NR3C2: variants seen among roughly 807,000 people sequenced by gnomAD.
NR3C2 encodes mineralocorticoid receptor.
In NR3C2, 15 loss-of-function variants were observed where a neutral mutation model predicts 86.4. That is an observed-to-expected ratio of 0.17 (90% CI 0.12 to 0.27). The LOEUF (loss-of-function observed/expected upper bound fraction) is 0.27. Among genes scored for constraint, NR3C2 ranks in the 10% least tolerant of loss-of-function variants. The probability of loss-of-function intolerance (pLI) is 1.00; values close to 1 mark genes in which losing one functional copy is unlikely to be tolerated. For missense variants in NR3C2, 960 were observed against 1,195.6 expected (o/e 0.80, Z 2.91); for synonymous variants, 458 against 450.5 (o/e 1.02, Z -0.21).
At chr4:148,366,770 C>T (rs913950707) in intron 2 of NR3C2, among the ~76,000 whole-genome samples, 1 of 151,854 alleles carries the variant, frequency 6.6e-6, no homozygotes, top group East Asian at 1.9e-4. Context: ...GCTAAAATTA[C>T]CCCCCCAAAA....
chr4:148,213,585 A>G (rs61758904), intron 3 of NR3C2, among the ~76,000 whole-genome samples: 7 of 152,228 alleles, frequency 4.6e-5, no homozygotes, highest in Non-Finnish European at 8.8e-5. Context: ...GGTCTTTCAC[A>G]TGTACTCAAC....
chr4:148,358,327 T>G (rs923705767), intron 2 of NR3C2, among the ~76,000 whole-genome samples: 3 of 151,994 alleles, frequency 2.0e-5, no homozygotes, highest in African/African-American at 7.3e-5. Context: ...TGTAGGGACA[T>G]GGATGAAATT....
intron 2 of NR3C2, among the ~76,000 whole-genome samples, chr4:148,422,477 T>C (rs1579280523): frequency 6.6e-6 from 1 of 152,170 alleles, no homozygotes; most frequent in East Asian, 1.9e-4. Flanking sequence ...ATTCCATTTC[T>C]ATACCCTGAA....
intron 2 of NR3C2, among the ~76,000 whole-genome samples, chr4:148,400,945 T>C (rs1427570633): frequency 1.3e-5 from 2 of 152,198 alleles, no homozygotes; most frequent in African/African-American, 4.8e-5. Flanking sequence ...TAGAATTATA[T>C]TGTATACATT....
At chr4:148,106,941 T>C (rs370780550) in intron 8 of NR3C2, among the ~76,000 whole-genome samples, 3 of 152,274 alleles carry the variant, frequency 2.0e-5, no homozygotes, top group African/African-American at 4.8e-5. Flanking sequence ...TTGCAGGACA[T>C]AGGCATGGGC....
intron 2 of NR3C2, among the ~76,000 whole-genome samples, chr4:148,353,550 C>A (rs919799856): frequency 6.6e-6 from 1 of 152,018 alleles, no homozygotes; most frequent in Non-Finnish European, 1.5e-5. Flanking sequence ...CAAAAGCATA[C>A]AATTTTTCCT....
Position 148,322,247 on chromosome 4 carries a change from C to A in NR3C2, c.1758-62130G>T, listed in dbSNP as rs1205965959. ...CTTGTAGGGTTTCTGCTGAGAGATC[C>A]GCTGTTAGTCTGATGGGCTTCCCTT... On this transcript the variant is annotated intron_variant, in intron 2 of 8. Coordinates refer to ENST00000358102, the MANE Select transcript of NR3C2 (RefSeq NM_000901.5). Among the ~76,000 whole-genome samples, 9 of 149,420 alleles carry A rather than the reference C, an allele frequency of 6.0e-5. No homozygotes were observed. In the East Asian group the frequency reaches 7.9e-4, roughly 13 times the overall value.
chr4:148,403,209 T>C (rs980231719), intron 2 of NR3C2, among the ~76,000 whole-genome samples: 1 of 152,100 alleles, frequency 6.6e-6, no homozygotes, highest in African/African-American at 2.4e-5. Flanking sequence ...CATATTACTA[T>C]AAAGCTTCAA....
intron 2 of NR3C2, among the ~76,000 whole-genome samples, chr4:148,304,743 G>A (rs761777990): frequency 6.6e-6 from 1 of 152,124 alleles, no homozygotes; most frequent in Non-Finnish European, 1.5e-5. Flanking sequence ...GGGTGTGCCT[G>A]CAGCTGACTG....
intron 2 of NR3C2, among the ~76,000 whole-genome samples, chr4:148,355,846 G>A (rs1209207382): frequency 1.3e-5 from 2 of 152,110 alleles, no homozygotes; most frequent in African/African-American, 2.4e-5. Flanking sequence ...GCAAAGTTTC[G>A]GTTTTGTAGA....
chr4:148,379,344 T>A (rs938028241), intron 2 of NR3C2, among the ~76,000 whole-genome samples: 1 of 151,900 alleles, frequency 6.6e-6, no homozygotes, highest in Non-Finnish European at 1.5e-5. Context: ...CTCCCCTACC[T>A]CCCCACTAGG....
At chr4:148,136,715 C>T (rs1404772753) in intron 6 of NR3C2, among the ~76,000 whole-genome samples, 2 of 152,052 alleles carry the variant, frequency 1.3e-5, no homozygotes, top group African/African-American at 4.8e-5. Flanking sequence ...GGCGCAATCT[C>T]AGCTCACTGC....
intron 2 of NR3C2, among the ~76,000 whole-genome samples, chr4:148,352,851 TAAAG>T (rs1336546731): frequency 1.3e-5 from 2 of 152,100 alleles, no homozygotes; most frequent in Non-Finnish European, 2.9e-5. Flanking sequence ...CCCCTAAAAA[TAAAG>T]ATTCTTATGT....
chr4:148,388,993 C>T (rs1463802970), intron 2 of NR3C2, among the ~76,000 whole-genome samples: 1 of 152,212 alleles, frequency 6.6e-6, no homozygotes, highest in African/African-American at 2.4e-5. Flanking sequence ...GCCTGGCTAC[C>T]AGATTATACC....
At chr4:148,349,008 T>C (rs1046730331) in intron 2 of NR3C2, among the ~76,000 whole-genome samples, 2 of 152,124 alleles carry the variant, frequency 1.3e-5, no homozygotes, top group Admixed American at 6.6e-5. Flanking sequence ...ACAAGGAAAA[T>C]AGCTCTAGAA....
chr4:148,284,465 C>T (rs944409674), intron 2 of NR3C2, among the ~76,000 whole-genome samples: 2 of 152,132 alleles, frequency 1.3e-5, no homozygotes, highest in South Asian at 4.1e-4. Flanking sequence ...TAGGTACTCA[C>T]GCTGTGTTCA....
chr4:148,205,300 G>T (rs2149812046), intron 3 of NR3C2, among the ~76,000 whole-genome samples: 1 of 152,282 alleles, frequency 6.6e-6, no homozygotes, highest in South Asian at 2.1e-4. Flanking sequence ...TATTAAATTA[G>T]ACTAGTTTTG....
intron 4 of NR3C2, among the ~76,000 whole-genome samples, chr4:148,170,263 T>C (rs1329604018): frequency 6.6e-6 from 1 of 152,224 alleles, no homozygotes; most frequent in African/African-American, 2.4e-5. Context: ...CACTGGTCTA[T>C]ACTAAGGAAG....
At chr4:148,434,925 T>C (rs974200300) in intron 2 of NR3C2, among the ~76,000 whole-genome samples, 179 bp downstream of exon 2, 4 of 152,202 alleles carry the variant, frequency 2.6e-5, no homozygotes, top group Non-Finnish European at 5.9e-5. Flanking sequence ...ATTTTAAGAA[T>C]GCTTTTTCCC....
Sources: gnomAD v4.1 joint callset for allele counts (sites outside exome capture counted in the v4.1 genomes callset) on GRCh38, gnomAD v4.1.1 for gene constraint, MANE v1.5 for transcripts, NCBI Gene and HGNC (gene_info 2026-07-23, HGNC 2026-07-21) for gene names.